ASB10: variants seen among roughly 807,000 people sequenced by gnomAD.
The protein encoded by ASB10 is ankyrin repeat and SOCS box containing 10.
Under a neutral mutation model 35.4 loss-of-function variants are expected in ASB10, and 44 were observed. That is an observed-to-expected ratio of 1.24 (90% confidence interval 0.98 to 1.60). The LOEUF (loss-of-function observed/expected upper bound fraction) is 1.60, where lower values mean the gene tolerates loss of function less well. Among genes scored for constraint, ASB10 ranks in the 40% most tolerant of loss-of-function variants. The pLI is 0.00. For synonymous variants in ASB10, 294 were observed against 280.4 expected, an observed-to-expected ratio of 1.05 and a Z score of -0.49; for missense variants, 647 against 634.3, an observed-to-expected ratio of 1.02 and a Z score of -0.22.
intron 2 of ASB10, among the ~76,000 whole-genome samples, chr7:151,184,772 C>T (rs1801555927): frequency 6.6e-6 from 1 of 152,136 alleles, no homozygotes; most frequent in Non-Finnish European, 1.5e-5. Context: ...CCTGGAATCC[C>T]AGCACTTTGG....
At chr7:151,178,759 C>T (rs529225318) in intron 3 of ASB10, among the ~76,000 whole-genome samples, 1 of 152,160 alleles carries the variant, frequency 6.6e-6, no homozygotes, top group Non-Finnish European at 1.5e-5. Flanking sequence ...CACCTGGGGC[C>T]TCTGCTTCTA....
chr7:151,175,991 A>G, intron 5 of ASB10, 25 bp from the exon 6 acceptor site: 2 of 1,235,790 alleles, frequency 1.6e-6, no homozygotes, highest in Non-Finnish European at 2.2e-6. Flanking sequence ...TTGGATTCAG[A>G]GGCTTCTGGT....
At position 151,186,479 on chromosome 7, in the gene ASB10, A is replaced by T. The variant is rs1434506699; in HGVS notation, c.497T>A (p.Val166Glu). ...GGGGTCGGCTCCTGCCACCAGCAGC[A>T]CATGAACACAGGCAGTGTGGCCTGC... The part of the protein sequence containing the change: ...CAAGHTACVH[V>E]LLVAGADPNI... Residue 166 changes from valine (V) to glutamate (E), a missense_variant, in exon 2 of 6, where the codon GTG becomes GAG. Val to Glu is a moderately radical substitution (Grantham distance 121). Coordinates refer to ENST00000420175, the MANE Select transcript of ASB10 (RefSeq NM_001142459.2). 4 of 1,599,182 alleles carry T rather than the reference A, an allele frequency of 2.5e-6. No individual in the cohort carries two copies. Among genetic ancestry groups the T allele is most frequent in the Middle Eastern group, 1.7e-4 (1 of 6,016 alleles).
In ASB10 at chr7:151,178,309, G is replaced by A. The variant is rs148328664; in HGVS notation, c.1105-1633C>T. ...GGTTGGGGAGGGCACTGTCCTAGAC[G>A]GAGTGGCCAAGAAAGGTCTCTGAGG... On this transcript the variant is annotated intron_variant, in intron 3 of 5. Coordinates refer to ENST00000420175, the MANE Select transcript of ASB10 (RefSeq NM_001142459.2). Among the ~76,000 whole-genome samples, 250 of 152,312 alleles carry A rather than the reference G, an allele frequency of 1.6e-3. 3 individuals are homozygous for A. Among genetic ancestry groups the A allele is most frequent in the African/African-American group, 5.6e-3 (234 of 41,578 alleles).
chr7:151,176,649 G>C lies in ASB10; in HGVS notation c.1132C>G (p.Arg378Gly), dbSNP rs61628535. ...GTGTTCATCAGGACCTCGATGGTCC[G>C]AGGGCACGTGCTCCAGCGCTCCAGC... ...KVLERWSTCP[R>G]TIEVLMNTYS... is the part of the protein sequence containing the mutation. The change falls in exon 4 of 6, where the codon CGG becomes GGG. Residue 378 changes from arginine (R) to glycine (G), a missense_variant. Physicochemically the swap from Arg to Gly is moderately radical, Grantham distance 125 (BLOSUM62 -2). Coordinates refer to ENST00000420175, the MANE Select transcript of ASB10 (RefSeq NM_001142459.2). The C allele has an allele frequency of 6.4e-7, 1 of 1,551,400 alleles. No homozygotes were observed. Among genetic ancestry groups the C allele is most frequent in the South Asian group, 1.2e-5 (1 of 84,062 alleles).
In ASB10 at chr7:151,181,277, A is replaced by T. The variant is rs1801486160; in HGVS notation, c.766T>A (p.Cys256Ser). ...AEGWTPLLAA[C>S]DVRCQSITDA... is the part of the protein sequence containing the mutation. Reference sequence around the variant, plus strand: ...GTGATGGACTGGCAGCGGACGTCACAGGCAGCCAGCAGTGGGGTCCAGCCT... The same window carrying T: ...GTGATGGACTGGCAGCGGACGTCACTGGCAGCCAGCAGTGGGGTCCAGCCT... The change falls in exon 3 of 6, where the codon TGT becomes AGT. Residue 256 changes from cysteine to serine, a missense_variant. Transcript: ENST00000420175. The T allele has an allele frequency of 3.7e-6, 6 of 1,613,114 alleles. No individual in the cohort carries two copies. Among genetic ancestry groups the T allele is most frequent in the East Asian group, 4.5e-5 (2 of 44,888 alleles).
At chr7:151,182,014 A>G (rs1247071416) in intron 2 of ASB10, among the ~76,000 whole-genome samples, 5 of 152,258 alleles carry the variant, frequency 3.3e-5, no homozygotes, top group African/African-American at 1.2e-4. Flanking sequence ...GAGTGGTTAG[A>G]ACAGGCGCCT....
chr7:151,176,831 G>T (rs1801399163), intron 3 of ASB10, among the ~76,000 whole-genome samples, 155 bp from the exon 4 acceptor site: 1 of 152,212 alleles, frequency 6.6e-6, no homozygotes. Context: ...TGGAAATAGG[G>T]TCTTTGCAAA....
intron 3 of ASB10, among the ~76,000 whole-genome samples, chr7:151,178,077 G>T (rs965044270): frequency 6.6e-6 from 1 of 152,180 alleles, no homozygotes; most frequent in Non-Finnish European, 1.5e-5. Flanking sequence ...GTGAAACCCT[G>T]TCTCTACTAA....
chr7:151,181,148 G>A lies in ASB10; in HGVS notation c.895C>T (p.His299Tyr), dbSNP rs369398816. 41 of 1,610,316 alleles carry A rather than the reference G, an allele frequency of 2.5e-5. No individual in the cohort carries two copies. The highest frequency in any genetic ancestry group is 4.5e-5 in the East Asian group (2 of 44,794). The change falls in exon 3 of 6, where the codon CAC becomes TAC. Residue 299 changes from histidine to tyrosine, a missense_variant. Physicochemically the swap from His to Tyr is moderately conservative, Grantham distance 83. Transcript: ENST00000420175. ...GCATGGCCACGGCGGCAGGCCAGGT[G>A]CAGGGGTCGCTGCTTGTCCTGGTCC... is the stretch of plus-strand genomic sequence containing the variant. ...AADQDKQRPLHLACRRGHAAV... is the reference protein window; with the variant it reads ...AADQDKQRPLYLACRRGHAAV...
At chr7:151,176,524 A>C in intron 4 of ASB10, 39 bp downstream of exon 4, 2 of 1,528,600 alleles carry the variant, frequency 1.3e-6, no homozygotes, top group Non-Finnish European at 1.8e-6. Flanking sequence ...TCTTGGGACC[A>C]GGATGAGAAG....
Position 151,176,244 on chromosome 7 carries a change from C to T in ASB10, c.1272G>A (p.Ser424=), listed in dbSNP as rs104886486. Residue 424 remains serine (S), a synonymous_variant, in exon 5 of 6, where the codon TCG becomes TCA. Coordinates refer to ENST00000420175, the MANE Select transcript of ASB10 (RefSeq NM_001142459.2). ...GCGCACAGCGGCTCAAATGCTGCAG[C>T]GACCTGGGCTGCCTCACCAAGGCGA... ...SLFALVRQPR[S]LQHLSRCALR... 0.012 allele frequency: 19,850 copies of T among 1,592,216 alleles called. 193 individuals are homozygous for T. The highest frequency in any genetic ancestry group is 0.016 in the Non-Finnish European group (18,270 of 1,169,980).
At chr7:151,176,713 T>A in intron 3 of ASB10, 37 bp from the exon 4 acceptor site, 1 of 1,411,768 alleles carries the variant, frequency 7.1e-7, no homozygotes, top group Non-Finnish European at 9.8e-7. Context: ...CCTCAGTCAG[T>A]CCACACAGTG....
intron 3 of ASB10, among the ~76,000 whole-genome samples, chr7:151,179,074 C>T (rs1801440854): frequency 6.6e-6 from 1 of 152,200 alleles, no homozygotes; most frequent in African/African-American, 2.4e-5. Context: ...TCCAATGATA[C>T]CCTCATTGGG....
At chr7:151,184,268 C>T (rs1405076259) in intron 2 of ASB10, among the ~76,000 whole-genome samples, 1 of 151,868 alleles carries the variant, frequency 6.6e-6, no homozygotes, top group African/African-American at 2.4e-5. Context: ...CAAAAAGTAG[C>T]CGGGTGCGGT....
chr7:151,186,296 G>A lies in ASB10; in HGVS notation c.584+96C>T, dbSNP rs1801587582. 6 of 1,436,156 alleles carry A rather than the reference G, an allele frequency of 4.2e-6. No individual in the cohort carries two copies. The South Asian group carries it at 7.1e-5, about 17-fold the overall frequency. The allele number at this position is 1,436,156 out of a possible 1,614,324, so 89.0% of individuals were successfully genotyped here. ...CCGCGCCCCAAGCCTGGACTGCTCT[G>A]TCCCAGGTCCCTGACATTTTCCCCC... On this transcript the variant is annotated intron_variant, in intron 2 of 5. Transcript: ENST00000420175.
At chr7:151,183,042 C>G (rs1801522134) in intron 2 of ASB10, among the ~76,000 whole-genome samples, 1 of 152,174 alleles carries the variant, frequency 6.6e-6, no homozygotes, top group African/African-American at 2.4e-5. Context: ...TTATGTGGAA[C>G]CTCACTATCC....
chr7:151,187,476 G>C (rs1801623673), upstream of ASB10: 1 of 1,551,286 alleles, frequency 6.4e-7, no homozygotes, highest in Non-Finnish European at 8.7e-7. This position sits in a 1 kb window ranked among gnomAD's most constrained non-coding sequence, Gnocchi z 5.3. Context: ...CTCCAGCGAG[G>C]CTCTGCGGCC....
intron 2 of ASB10, 38 bp downstream of exon 2, chr7:151,186,354 C>G (rs1801589185): frequency 6.5e-7 from 1 of 1,542,708 alleles, no homozygotes. Context: ...TGCTTCCCTT[C>G]AGAGTGGAAC....
Sources: gnomAD v4.1 joint callset for allele counts (sites outside exome capture counted in the v4.1 genomes callset) on GRCh38, gnomAD v4.1.1 for gene constraint, Gnocchi (gnomAD v3.1) non-coding constraint, MANE v1.5 for transcripts, NCBI Gene and HGNC (gene_info 2026-07-23, HGNC 2026-07-21) for gene names.